The following FHAD1 variants were observed in gnomAD, a reference collection of about 807,000 sequenced individuals.
The protein encoded by FHAD1 is forkhead-associated domain-containing protein 1.
FHAD1 carries 146 observed loss-of-function variants against 191.3 expected under a neutral mutation model. That is an observed-to-expected ratio of 0.76 (90% CI 0.67 to 0.88). The LOEUF (loss-of-function observed/expected upper bound fraction) is 0.88, where lower values mean the gene tolerates loss of function less well. Among genes scored for constraint, FHAD1 ranks in the 40% least tolerant of loss-of-function variants. FHAD1 has a pLI of 0.00. For synonymous variants in FHAD1, 616 were observed against 672.3 expected, an observed-to-expected ratio of 0.92 and a Z score of 1.29; for missense variants, 1,635 against 1,785.8, an observed-to-expected ratio of 0.92 and a Z score of 1.52.
chr1:15,377,308 G>A (rs750815030), intron 28 of FHAD1, among the ~76,000 whole-genome samples: 2 of 152,180 alleles, frequency 1.3e-5, no homozygotes, highest in Non-Finnish European at 2.9e-5. Context: ...TTCCCTGAGG[G>A]TGGGAGTGGA....
At position 15,293,770 on chromosome 1, in the gene FHAD1, A is replaced by C. The variant is rs529838155; in HGVS notation, c.569-2914A>C. ...AACAAGTTGTTCCTTGTTATCATTG[A>C]GTCACATTCCATGGATGTATCACAG... On this transcript the variant is annotated intron_variant, in intron 4 of 33. Transcript: ENST00000688493. Among the ~76,000 whole-genome samples, 6 of 152,326 alleles carry C rather than the reference A, an allele frequency of 3.9e-5. No homozygotes were observed. The South Asian group carries it at 6.2e-4, about 16-fold the overall frequency.
intron 26 of FHAD1, among the ~76,000 whole-genome samples, chr1:15,370,522 T>A (rs1255389683): frequency 6.6e-6 from 1 of 152,202 alleles, no homozygotes; most frequent in Non-Finnish European, 1.5e-5. Flanking sequence ...AATGTACTTG[T>A]TCTTCCTGAA....
intron 4 of FHAD1, among the ~76,000 whole-genome samples, chr1:15,291,839 C>T (rs895895435): frequency 3.9e-5 from 6 of 152,198 alleles, no homozygotes; most frequent in African/African-American, 1.4e-4. Flanking sequence ...CACTAGCTGA[C>T]AGCAGGAAGC....
chr1:15,386,852 T>TC (rs1337255141), intron 31 of FHAD1, among the ~76,000 whole-genome samples: 1 of 151,590 alleles, frequency 6.6e-6, no homozygotes, highest in Non-Finnish European at 1.5e-5. Context: ...TTTCTTTCTT[T>TC]TTTTTTTTGT....
At chr1:15,372,492 C>A (rs970940133) in intron 26 of FHAD1, among the ~76,000 whole-genome samples, 2 of 152,154 alleles carry the variant, frequency 1.3e-5, no homozygotes, top group African/African-American at 2.4e-5. Context: ...CTGTCTGTTA[C>A]CTGTCTGCCC....
In FHAD1 at chr1:15,329,200, A is replaced by G. The variant is rs932381634; in HGVS notation, c.1711-146A>G. The G allele has an allele frequency of 3.3e-6, 2 of 598,520 alleles. No homozygotes were observed. Among genetic ancestry groups the G allele is most frequent in the South Asian group, 3.8e-5 (1 of 26,184 alleles). 37.1% of individuals were successfully genotyped at this position (598,520 alleles called of 1,614,324 possible). On this transcript the variant is annotated intron_variant, in intron 13 of 33. Transcript: ENST00000688493. The surrounding 1 kb of genome is among the most constrained non-coding windows in gnomAD (Gnocchi z 5.0). ...TGTCAAAACATAAAAATTTTAAAAA[A>G]GAAAAAAACTGAGTCCTCCCAAGGC... is the stretch of plus-strand genomic sequence containing the variant.
intron 4 of FHAD1, among the ~76,000 whole-genome samples, chr1:15,293,511 A>T (rs1489715380): frequency 6.6e-6 from 1 of 152,084 alleles, no homozygotes; most frequent in Non-Finnish European, 1.5e-5. Context: ...CAAGGTCGGG[A>T]GTCTGAGACC....
chr1:15,336,262 C>T (rs1443165761), intron 14 of FHAD1, among the ~76,000 whole-genome samples: 8 of 152,134 alleles, frequency 5.3e-5, no homozygotes, highest in South Asian at 2.1e-4. Context: ...ATTAGAAAAA[C>T]GTATCAAACT....
intron 28 of FHAD1, among the ~76,000 whole-genome samples, chr1:15,379,070 G>A (rs1048932249): frequency 7.9e-5 from 12 of 151,910 alleles, no homozygotes; most frequent in African/African-American, 2.9e-4. Flanking sequence ...AAGGTGGAAC[G>A]AGAGACTTGG....
chr1:15,246,023 A>G (rs1645987193), upstream of FHAD1, among the ~76,000 whole-genome samples: 1 of 152,242 alleles, frequency 6.6e-6, no homozygotes, highest in East Asian at 1.9e-4. Context: ...ATTTACAAAG[A>G]AAAGAAGTTT....
intron 20 of FHAD1, among the ~76,000 whole-genome samples, chr1:15,356,478 GA>G (rs1203952958): frequency 6.6e-6 from 1 of 152,190 alleles, no homozygotes; most frequent in Non-Finnish European, 1.5e-5. Flanking sequence ...CTCATTTACA[GA>G]AAAGAATAGA....
intron 10 of FHAD1, among the ~76,000 whole-genome samples, chr1:15,320,592 A>G (rs1290847546): frequency 6.6e-6 from 1 of 152,226 alleles, no homozygotes; most frequent in African/African-American, 2.4e-5. Flanking sequence ...ATCTTTGGCT[A>G]TCACAAGATG....
chr1:15,313,282 T>G, intron 8 of FHAD1, 95 bp downstream of exon 8: 2 of 1,365,302 alleles, frequency 1.5e-6, no homozygotes, highest in Non-Finnish European at 9.7e-7. Flanking sequence ...CCCTGGGCCC[T>G]TAGTTTAAAT....
chr1:15,331,873 G>A lies in FHAD1; in HGVS notation c.1906+2332G>A, dbSNP rs564880117. Among the ~76,000 whole-genome samples the A allele has an allele frequency of 2.6e-5, 4 of 152,258 alleles. 1 individual carries two copies. The highest frequency in any genetic ancestry group is 1.9e-4 in the East Asian group (1 of 5,180). On this transcript the variant is annotated intron_variant, in intron 14 of 33. Transcript: ENST00000688493. ...TGCTCCATGTTTTGCCTGATGTCAT[G>A]TAAGCTCATGACCTACATGAAAGTA...
intron 2 of FHAD1, among the ~76,000 whole-genome samples, chr1:15,261,534 TCA>T (rs1651061391): frequency 6.6e-6 from 1 of 152,062 alleles, no homozygotes; most frequent in Non-Finnish European, 1.5e-5. Context: ...CCTCCCTCTC[TCA>T]GAGTAGCACT....
intron 31 of FHAD1, 29 bp from the exon 32 acceptor site, chr1:15,388,022 C>G (rs1557447897): frequency 8.1e-7 from 1 of 1,236,816 alleles, no homozygotes; most frequent in Non-Finnish European, 1.1e-6. Flanking sequence ...GGTTAGCACT[C>G]TCTTGCTAAC....
At chr1:15,338,105 A>G (rs1020672083) in intron 14 of FHAD1, among the ~76,000 whole-genome samples, 19 of 152,086 alleles carry the variant, frequency 1.2e-4, no homozygotes, top group African/African-American at 4.6e-4. Context: ...ACTTCCCGGG[A>G]GGAGCACTGC....
chr1:15,343,811 C>A (rs929100214), intron 16 of FHAD1: 1 of 152,172 alleles, frequency 6.6e-6, no homozygotes, highest in Non-Finnish European at 1.5e-5. Flanking sequence ...AACTCTCCAC[C>A]GACTTCCTTT....
intron 8 of FHAD1, among the ~76,000 whole-genome samples, chr1:15,314,279 G>A (rs1673258551): frequency 6.6e-6 from 1 of 152,076 alleles, no homozygotes; most frequent in African/African-American, 2.4e-5. Flanking sequence ...GGTGGATCTG[G>A]GGGTCCAAGG....
Sources: gnomAD v4.1 joint callset for allele counts (sites outside exome capture counted in the v4.1 genomes callset) on GRCh38, gnomAD v4.1.1 for gene constraint, Gnocchi (gnomAD v3.1) non-coding constraint, MANE v1.5 for transcripts, NCBI Gene and HGNC (gene_info 2026-07-23, HGNC 2026-07-21) for gene names.